The following SRGAP3 variants were observed in gnomAD, a reference collection of about 807,000 sequenced individuals.
SRGAP3 encodes SLIT-ROBO Rho GTPase-activating protein 3.
In SRGAP3, 39 loss-of-function variants were observed where a neutral mutation model predicts 121.1. The ratio of observed to expected loss-of-function variants is 0.32; its 90% CI spans 0.25 to 0.42. SRGAP3 has a LOEUF of 0.42. SRGAP3 is among the 10% of genes least tolerant of loss of function. The pLI, the probability that SRGAP3 is intolerant of heterozygous loss-of-function variation, is 1.00. For synonymous variants in SRGAP3, 601 were observed against 570.0 expected, an observed-to-expected ratio of 1.05 and a Z score of -0.77; for missense variants, 1,213 against 1,470.6, an observed-to-expected ratio of 0.82 and a Z score of 2.86.
At position 8,980,706 on chromosome 3, in the gene SRGAP3, T is replaced by C. The variant is rs1403647304; in HGVS notation, c.*4813A>G. 2.6e-5 allele frequency: 6 copies of C among 232,646 alleles called. No homozygotes were observed. The highest frequency in any genetic ancestry group is 5.1e-5 in the Non-Finnish European group (6 of 117,498). 14.4% of individuals were successfully genotyped at this position (232,646 alleles called of 1,614,324 possible). The stretch of plus-strand genomic sequence containing the variant: ...GACACTCTATAGGACGGGCGTTTGG[T>C]CGTAAGGTAGAGAAACGATATCCAG... On this transcript the variant is annotated 3_prime_UTR_variant, in exon 22 of 22. Transcript: ENST00000383836.
chr3:9,165,407 C>A (rs941481066), intron 1 of SRGAP3, among the ~76,000 whole-genome samples: 1 of 152,206 alleles, frequency 6.6e-6, no homozygotes, highest in Non-Finnish European at 1.5e-5. Flanking sequence ...CCCCCTCCTT[C>A]ATCATCCCTG....
chr3:9,317,595 T>C (rs552873378), intron 3 of SRGAP3, among the ~76,000 whole-genome samples: 2 of 152,354 alleles, frequency 1.3e-5, no homozygotes, highest in South Asian at 4.1e-4. Flanking sequence ...ATCAGTAAGT[T>C]GGCTATTTAA....
intron 1 of SRGAP3, among the ~76,000 whole-genome samples, chr3:9,355,484 C>T (rs532195188): frequency 1.3e-5 from 2 of 152,230 alleles, no homozygotes; most frequent in African/African-American, 4.8e-5. Context: ...CCTCACTGGC[C>T]ACCTGGCTAT....
intron 1 of SRGAP3, among the ~76,000 whole-genome samples, chr3:9,209,402 C>T (rs1458247522): frequency 6.6e-6 from 1 of 152,156 alleles, no homozygotes; most frequent in Non-Finnish European, 1.5e-5. Flanking sequence ...AAAGGACTTA[C>T]AAATGGTCAA....
At chr3:9,168,951 C>T (rs1452664625) in intron 1 of SRGAP3, among the ~76,000 whole-genome samples, 2 of 152,242 alleles carry the variant, frequency 1.3e-5, no homozygotes, top group African/African-American at 4.8e-5. Context: ...TCCCTTCCTC[C>T]CAACAGTCAC....
At chr3:9,021,116 T>G (rs1413865728) in intron 14 of SRGAP3, among the ~76,000 whole-genome samples, 2 of 152,178 alleles carry the variant, frequency 1.3e-5, no homozygotes, top group Admixed American at 6.5e-5. Flanking sequence ...GCCCAGCATC[T>G]CCAGGTTCCA....
intron 3 of SRGAP3, among the ~76,000 whole-genome samples, chr3:9,083,372 C>A (rs1285514146): frequency 1.3e-5 from 2 of 152,236 alleles, no homozygotes; most frequent in African/African-American, 4.8e-5. Context: ...CCTCCTTGTC[C>A]AGAGGCAACT....
rs530652082 is a variant in SRGAP3 at position 9,360,078 on chromosome 3, T to A, written n.214+2762A>T. Among the ~76,000 whole-genome samples the A allele has an allele frequency of 2.2e-4, 34 of 152,198 alleles. No homozygotes were observed. In the Middle Eastern group the frequency reaches 0.01, roughly 46 times the overall value. Reference sequence around the variant, plus strand: ...TTCAGTGTCTGGTACCACAGATGAGTGCCACCACACCCAGCTACTTTCTAA... The same window carrying A: ...TTCAGTGTCTGGTACCACAGATGAGAGCCACCACACCCAGCTACTTTCTAA... On this transcript the variant is annotated intron_variant and non_coding_transcript_variant, in intron 1 of 3. Coordinates refer to the SRGAP3 transcript ENST00000490889.
intron 1 of SRGAP3, among the ~76,000 whole-genome samples, chr3:9,244,471 A>G (rs1953754718): frequency 6.6e-6 from 1 of 151,554 alleles, no homozygotes; most frequent in African/African-American, 2.4e-5. Flanking sequence ...CAATCATTGC[A>G]TTTCTATTTC....
chr3:9,132,168 T>C (rs1028094057), intron 1 of SRGAP3, among the ~76,000 whole-genome samples: 1 of 152,162 alleles, frequency 6.6e-6, no homozygotes, highest in Admixed American at 6.5e-5. Flanking sequence ...AGTTCCCATA[T>C]ATCCCCTCTC....
intron 2 of SRGAP3, among the ~76,000 whole-genome samples, chr3:9,111,860 C>A (rs990756651): frequency 1.3e-5 from 2 of 152,180 alleles, no homozygotes; most frequent in African/African-American, 2.4e-5. Flanking sequence ...ATGCAAGCGT[C>A]GACCCAGCAA....
Position 9,032,646 on chromosome 3 carries a change from G to A in SRGAP3, c.1539+4C>T. On this transcript the variant is annotated splice_donor_region_variant and intron_variant, in intron 12 of 21. Coordinates refer to ENST00000383836, the MANE Select transcript of SRGAP3 (RefSeq NM_014850.4). ...CGCGGACTCCACGGCTCCCCAGCAAGTACCTTAATGAATGCTTCCATACTG... is the reference window on the plus strand; with the variant it reads ...CGCGGACTCCACGGCTCCCCAGCAAATACCTTAATGAATGCTTCCATACTG... 6.2e-7 allele frequency: 1 copy of A among 1,613,316 alleles called. No individual in the cohort carries two copies. The highest frequency in any genetic ancestry group is 8.5e-7 in the Non-Finnish European group (1 of 1,179,498).
chr3:9,319,406 A>T (rs1281283474), intron 3 of SRGAP3, among the ~76,000 whole-genome samples: 1 of 151,934 alleles, frequency 6.6e-6, no homozygotes, highest in Non-Finnish European at 1.5e-5. Flanking sequence ...TTAATTCAAG[A>T]TGTGGACACA....
At chr3:9,096,936 T>G (rs1947993319) in intron 3 of SRGAP3, among the ~76,000 whole-genome samples, 1 of 65,470 alleles carries the variant, frequency 1.5e-5, no homozygotes, top group Non-Finnish European at 2.9e-5. Flanking sequence ...TACATTATTT[T>G]GTATATATAT....
At chr3:9,013,217 G>A in intron 17 of SRGAP3, 91 bp downstream of exon 17, 1 of 1,266,518 alleles carries the variant, frequency 7.9e-7, no homozygotes, top group Non-Finnish European at 1.1e-6. Flanking sequence ...CGACTATCAA[G>A]CAGTAAGAAA....
chr3:9,019,099 T>C (rs1943783555), intron 14 of SRGAP3, among the ~76,000 whole-genome samples: 2 of 152,376 alleles, frequency 1.3e-5, no homozygotes, highest in South Asian at 4.1e-4. Context: ...CCGTAATTTA[T>C]ACAATCAATC....
intron 10 of SRGAP3, among the ~76,000 whole-genome samples, chr3:9,045,526 T>A (rs62244638): frequency 0.15 from 23,435 of 151,834 alleles, 2,241 homozygotes; most frequent in Non-Finnish European, 0.22. Flanking sequence ...ATGATGATGA[T>A]GATGATGATG....
chr3:9,324,784 C>A (rs938901310), intron 3 of SRGAP3, among the ~76,000 whole-genome samples: 1 of 151,690 alleles, frequency 6.6e-6, no homozygotes, highest in African/African-American at 2.4e-5. Context: ...GGTGAAACTC[C>A]GTGTCTACTA....
intron 1 of SRGAP3, among the ~76,000 whole-genome samples, chr3:9,355,048 T>G (rs1464649323): frequency 2.6e-5 from 4 of 152,234 alleles, no homozygotes; most frequent in African/African-American, 9.6e-5. Flanking sequence ...ATGTGCCCAC[T>G]TGTACTTACT....
Sources: gnomAD v4.1 joint callset for allele counts (sites outside exome capture counted in the v4.1 genomes callset) on GRCh38, gnomAD v4.1.1 for gene constraint, MANE v1.5 for transcripts, NCBI Gene and HGNC (gene_info 2026-07-23, HGNC 2026-07-21) for gene names.